The following PDS5A variants were observed in gnomAD, a reference collection of about 807,000 sequenced individuals.
PDS5A encodes PDS5 cohesin associated factor A.
A neutral mutation model predicts 167.1 loss-of-function variants in PDS5A; 42 were observed. That is an observed-to-expected ratio of 0.25 (90% CI 0.20 to 0.33). The LOEUF is 0.33. Ranked by LOEUF, PDS5A falls within the 10% of genes least tolerant of loss-of-function variation. The pLI is 1.00. For synonymous variants in PDS5A, 553 were observed against 554.6 expected, an observed-to-expected ratio of 1.00 and a Z score of 0.04; for missense variants, 1,033 against 1,605.9, an observed-to-expected ratio of 0.64 and a Z score of 6.10.
chr4:39,950,283 C>T (rs957923605), intron 2 of PDS5A, among the ~76,000 whole-genome samples: 14 of 151,892 alleles, frequency 9.2e-5, no homozygotes, highest in African/African-American at 1.5e-4. Flanking sequence ...AAATTTAGGC[C>T]GGGCACGGTG....
intron 2 of PDS5A, among the ~76,000 whole-genome samples, chr4:39,959,153 T>C (rs1729243423): frequency 2.0e-5 from 3 of 152,200 alleles, no homozygotes; most frequent in African/African-American, 7.2e-5. Context: ...TCTCAAAATA[T>C]GATAATCTCA....
At position 39,929,519 on chromosome 4, in the gene PDS5A, C is replaced by CTATATATATATATA. The variant is rs58069502; in HGVS notation, c.139-1369_139-1356dup. On this transcript the variant is annotated intron_variant, in intron 2 of 32. Coordinates refer to ENST00000303538, the MANE Select transcript of PDS5A (RefSeq NM_001100399.2). ...GCCTTGTGAGTTAATACTTAATAAA[C>CTATATATATATATA]TATATATATATATATATATATATAT... Among the ~76,000 whole-genome samples, 355 of 79,238 alleles carry CTATATATATATATA rather than the reference C, an allele frequency of 4.5e-3. 4 individuals are homozygous for CTATATATATATATA. The highest frequency in any genetic ancestry group is 9.6e-3 in the African/African-American group (109 of 11,400). 52.0% of individuals were successfully genotyped at this position (79,238 alleles called of 152,430 possible). A position where few individuals can be genotyped will look rare whatever the true frequency, so the allele number is the denominator to read the frequency against.
chr4:39,874,402 G>A lies in PDS5A; in HGVS notation c.2164C>T (p.Pro722Ser), dbSNP rs767207351. 5.0e-6 allele frequency: 8 copies of A among 1,612,106 alleles called. No homozygotes were observed. Among genetic ancestry groups the A allele is most frequent in the Non-Finnish European group, 6.8e-6 (8 of 1,178,506 alleles). ...CTCTTTGCTTTTTGATGTAAAATGGGAATTAAGGTCCTGCAAAAAATAATA... is the reference window on the plus strand; with the variant it reads ...CTCTTTGCTTTTTGATGTAAAATGGAAATTAAGGTCCTGCAAAAAATAATA... ...DLPQIRSTLI[P>S]ILHQKAKRGT... The change falls in exon 20 of 33, where the codon CCC becomes TCC. Residue 722 changes from proline to serine, a missense_variant. Physicochemically the swap from Pro to Ser is moderately conservative, Grantham distance 74. Coordinates refer to ENST00000303538, the MANE Select transcript of PDS5A (RefSeq NM_001100399.2).
At chr4:39,951,925 T>A (rs1728442346) in intron 2 of PDS5A, among the ~76,000 whole-genome samples, 1 of 129,686 alleles carries the variant, frequency 7.7e-6, no homozygotes, top group Non-Finnish European at 1.6e-5. Context: ...AAAAAATCTG[T>A]ATCACTAACA....
intron 11 of PDS5A, among the ~76,000 whole-genome samples, chr4:39,906,868 CTT>C (rs1206443357): frequency 7.5e-6 from 1 of 133,866 alleles, no homozygotes; most frequent in Non-Finnish European, 1.5e-5. Context: ...TGGAATAAAA[CTT>C]TGTTCCTATG....
At chr4:39,903,689 T>G (rs995411281) in intron 12 of PDS5A, among the ~76,000 whole-genome samples, 1 of 152,192 alleles carries the variant, frequency 6.6e-6, no homozygotes, top group African/African-American at 2.4e-5. Flanking sequence ...GCACTATTAT[T>G]TTTCCTTTTT....
At position 39,922,608 on chromosome 4, in the gene PDS5A, C is replaced by T; in HGVS notation, c.654+14G>A. On this transcript the variant is annotated intron_variant, in intron 6 of 32. Transcript: ENST00000303538. ...GTTAAACATTAACCTTGAATATCTT[C>T]ATACTTTACAGACCTTATGTGCAGG... 1 of 1,538,370 alleles carries T rather than the reference C, an allele frequency of 6.5e-7. No homozygotes were observed. Among genetic ancestry groups the T allele is most frequent in the Non-Finnish European group, 8.7e-7 (1 of 1,142,918 alleles).
intron 2 of PDS5A, among the ~76,000 whole-genome samples, chr4:39,948,411 C>T (rs1332781209): frequency 6.7e-6 from 1 of 149,224 alleles, no homozygotes; most frequent in Non-Finnish European, 1.5e-5. Context: ...CTGCAACCTC[C>T]GCCTCCCGGG....
At chr4:39,862,128 A>AT (rs1491492350) in intron 26 of PDS5A, 91 bp downstream of exon 26, 158 of 487,584 alleles carry the variant, frequency 3.2e-4, no homozygotes, top group African/African-American at 2.9e-3. Flanking sequence ...ATTCTAATGT[A>AT]AATAATAAAT....
At chr4:39,934,332 C>G (rs1281485458) in intron 2 of PDS5A, among the ~76,000 whole-genome samples, 2 of 152,188 alleles carry the variant, frequency 1.3e-5, no homozygotes, top group Admixed American at 6.5e-5. Flanking sequence ...AGCAAGTTCC[C>G]TGTCTGCTTA....
intron 2 of PDS5A, among the ~76,000 whole-genome samples, chr4:39,960,379 A>G (rs1364065822): frequency 6.6e-6 from 1 of 152,232 alleles, no homozygotes; most frequent in Non-Finnish European, 1.5e-5. Context: ...TATAAGTTCC[A>G]AAGGCTGAGG....
At chr4:39,856,034 G>T (rs770605775) in intron 26 of PDS5A, among the ~76,000 whole-genome samples, 3 of 152,040 alleles carry the variant, frequency 2.0e-5, no homozygotes, top group Non-Finnish European at 4.4e-5. Context: ...GACACATCAG[G>T]GTCAAATGGT....
chr4:39,941,840 G>A (rs766826632), intron 2 of PDS5A, among the ~76,000 whole-genome samples: 23 of 152,178 alleles, frequency 1.5e-4, no homozygotes, highest in Non-Finnish European at 1.8e-4. Flanking sequence ...AGGAGCCCTT[G>A]AGGCCAAGAG....
In PDS5A at chr4:39,976,568, T is replaced by C. The variant is rs760434405; in HGVS notation, c.10A>G (p.Thr4Ala). The C allele has an allele frequency of 1.2e-6, 2 of 1,611,522 alleles. No homozygotes were observed. Among genetic ancestry groups the C allele is most frequent in the Non-Finnish European group, 8.5e-7 (1 of 1,178,096 alleles). MDF[T>A]AQPKPATALC... ...GCAGTGGCAGGCTTGGGCTGCGCGGTGAAGTCCATCCTGGGGGACAACTTT... is the reference window on the plus strand; with the variant it reads ...GCAGTGGCAGGCTTGGGCTGCGCGGCGAAGTCCATCCTGGGGGACAACTTT... Residue 4 changes from threonine (T) to alanine (A), a missense_variant, in exon 2 of 33, where the codon ACC (threonine) becomes GCC (alanine). Physicochemically the swap from Thr to Ala is moderately conservative, Grantham distance 58. This residue lies in a region of PDS5A where 388 missense variants were observed against 615.1 expected (regional missense o/e 0.63). Transcript: ENST00000303538.
At chr4:39,956,873 T>C (rs1728971594) in intron 2 of PDS5A, among the ~76,000 whole-genome samples, 1 of 152,158 alleles carries the variant, frequency 6.6e-6, no homozygotes, top group South Asian at 2.1e-4. Context: ...GGTTTTGCCA[T>C]GTTGCCCGCG....
chr4:39,934,775 T>G (rs555548439), intron 2 of PDS5A, among the ~76,000 whole-genome samples: 1 of 150,786 alleles, frequency 6.6e-6, no homozygotes, highest in Admixed American at 6.6e-5. Flanking sequence ...CAGCACTCTA[T>G]AAATATTTTT....
intron 2 of PDS5A, among the ~76,000 whole-genome samples, chr4:39,930,274 T>TTTTTTAA: frequency 7.0e-6 from 1 of 143,560 alleles, no homozygotes; most frequent in South Asian, 2.2e-4. Context: ...TTTTTTTTTT[T>TTTTTTAA]AAGAGACAGG....
chr4:39,917,396 T>C (rs906331980), intron 7 of PDS5A, among the ~76,000 whole-genome samples: 5 of 152,138 alleles, frequency 3.3e-5, no homozygotes, highest in Admixed American at 3.3e-4. Context: ...TATCAAATCA[T>C]GAATGTTACA....
Position 39,957,580 on chromosome 4 carries a change from T to C in PDS5A, c.138+18860A>G, listed in dbSNP as rs373944422. 1.4e-4 allele frequency among the ~76,000 whole-genome samples: 22 copies of C among 151,746 alleles called. No homozygotes were observed. In the South Asian group the frequency reaches 4.6e-3, roughly 32 times the overall value. On this transcript the variant is annotated intron_variant, in intron 2 of 32. Transcript: ENST00000303538. ...GAGGGCGGACCACGAGGTCAGGAGA[T>C]GGAGACCATCCTGGCTAACACGGTG...
Sources: gnomAD v4.1 joint callset for allele counts (sites outside exome capture counted in the v4.1 genomes callset) on GRCh38, gnomAD v4.1.1 for gene constraint, gnomAD v4.1.1 regional missense constraint, MANE v1.5 for transcripts, NCBI Gene and HGNC (gene_info 2026-07-23, HGNC 2026-07-21) for gene names.